The following ZSCAN18 variants were observed in gnomAD, a reference collection of about 807,000 sequenced individuals.
ZSCAN18 encodes zinc finger and SCAN domain containing 18.
In ZSCAN18, 16 loss-of-function variants were observed where a neutral mutation model predicts 31.1. The observed-to-expected ratio is 0.51, with a 90% confidence interval of 0.35 to 0.78. ZSCAN18 has a LOEUF of 0.78. Among genes scored for constraint, ZSCAN18 ranks in the 30% least tolerant of loss-of-function variants. ZSCAN18 has a pLI of 0.01. For missense variants in ZSCAN18, 731 were observed against 697.4 expected, an observed-to-expected ratio of 1.05 and a Z score of -0.54; for synonymous variants, 375 against 320.7, an observed-to-expected ratio of 1.17 and a Z score of -1.81.
upstream of ZSCAN18, chr19:58,118,424 T>C: frequency 6.8e-7 from 1 of 1,469,452 alleles, no homozygotes; most frequent in Non-Finnish European, 9.1e-7. Context: ...GGATGCGATA[T>C]TCCGGTGACA....
At chr19:58,112,182 A>G (rs913996519) in intron 1 of ZSCAN18, among the ~76,000 whole-genome samples, 7 of 152,132 alleles carry the variant, frequency 4.6e-5, no homozygotes, top group Non-Finnish European at 1.0e-4. Flanking sequence ...CTACATGCAC[A>G]AGGCAAGATT....
At chr19:58,117,762 AC>A (rs2074743161) in intron 1 of ZSCAN18, among the ~76,000 whole-genome samples, 1 of 146,534 alleles carries the variant, frequency 6.8e-6, no homozygotes, top group Non-Finnish European at 1.5e-5. Context: ...AGGTTAAGGG[AC>A]AGGCGAAAAA....
At chr19:58,115,199 C>T (rs76728042) in intron 1 of ZSCAN18, among the ~76,000 whole-genome samples, 2,435 of 152,274 alleles carry the variant, frequency 0.016, 66 homozygotes, top group African/African-American at 0.055. Context: ...CAGTGGTTGG[C>T]AGCTGATCCA....
At chr19:58,117,266 G>C (rs1255389941) in intron 1 of ZSCAN18, among the ~76,000 whole-genome samples, 1 of 152,162 alleles carries the variant, frequency 6.6e-6, no homozygotes, top group Non-Finnish European at 1.5e-5. Context: ...GTTTGGGGGA[G>C]AGTAGATGCT....
intron 6 of ZSCAN18, chr19:58,085,969 C>A (rs898157261): frequency 1.2e-5 from 7 of 570,158 alleles, no homozygotes; most frequent in African/African-American, 1.1e-4. Flanking sequence ...TTTCCACCGA[C>A]CAAGTCTTGG....
Position 58,097,568 on chromosome 19 carries a change from C to G in ZSCAN18, c.-120+606G>C, listed in dbSNP as rs572789395. ...GCAGAGACAATGCCCATTCTAGGCA[C>G]CCCTTTGGTCCCCGCACCCTCCATC... On this transcript the variant is annotated intron_variant, in intron 1 of 6. Coordinates refer to ENST00000601144, the MANE Select transcript of ZSCAN18 (RefSeq NM_001145543.2). Among the ~76,000 whole-genome samples the G allele has an allele frequency of 2.1e-5, 3 of 145,232 alleles. No homozygotes were observed. In the South Asian group the frequency reaches 6.4e-4, roughly 31 times the overall value.
intron 6 of ZSCAN18, chr19:58,085,875 T>G (rs956776930): frequency 2.6e-6 from 1 of 384,658 alleles, no homozygotes; most frequent in Admixed American, 4.1e-5. Flanking sequence ...CTTGTTGGTG[T>G]GCTGGCACAG....
rs183623803 is a variant in ZSCAN18 at position 58,094,253 on chromosome 19, T to A, written c.-119-3867A>T. Reference sequence around the variant, plus strand: ...TCTACTAAAAATACAAAAAAAAAAATAATAATAATTAGCCAGGCATGGTGG... The same window carrying A: ...TCTACTAAAAATACAAAAAAAAAAAAAATAATAATTAGCCAGGCATGGTGG... On this transcript the variant is annotated intron_variant, in intron 1 of 6. Coordinates refer to ENST00000601144, the MANE Select transcript of ZSCAN18 (RefSeq NM_001145543.2). Among the ~76,000 whole-genome samples the A allele has an allele frequency of 5.4e-3, 702 of 130,394 alleles. 6 individuals are homozygous for A. Among genetic ancestry groups the A allele is most frequent in the African/African-American group, 0.018 (592 of 33,188 alleles). The allele number at this position is 130,394 out of a possible 152,430, so 85.5% of individuals were successfully genotyped here.
upstream of ZSCAN18, among the ~76,000 whole-genome samples, chr19:58,103,166 C>A (rs2146019488): frequency 6.7e-6 from 1 of 148,920 alleles, no homozygotes; most frequent in Admixed American, 6.7e-5. Context: ...TAAACCATAT[C>A]ACTGATTAAC....
At chr19:58,106,038 T>G (rs1163932220) in intron 1 of ZSCAN18, among the ~76,000 whole-genome samples, 1 of 152,202 alleles carries the variant, frequency 6.6e-6, no homozygotes, top group Non-Finnish European at 1.5e-5. Flanking sequence ...ATAGTAATGA[T>G]TCCTTGGATG....
intron 1 of ZSCAN18, among the ~76,000 whole-genome samples, chr19:58,115,887 A>G (rs924420178): frequency 1.3e-5 from 2 of 152,100 alleles, no homozygotes; most frequent in African/African-American, 4.8e-5. Flanking sequence ...AAACCCTTAC[A>G]AGGATACACA....
intron 1 of ZSCAN18, among the ~76,000 whole-genome samples, chr19:58,093,561 T>G (rs1461897730): frequency 6.6e-6 from 1 of 152,156 alleles, no homozygotes; most frequent in Non-Finnish European, 1.5e-5. Context: ...GCTCTGTGAC[T>G]GAGCGCTTTC....
At position 58,089,095 on chromosome 19, in the gene ZSCAN18, A is replaced by G. The variant is rs112476161; in HGVS notation, c.404-258T>C. On this transcript the variant is annotated intron_variant, in intron 2 of 6. Transcript: ENST00000601144. ...GAGGCGGGCGGATCACGAGGTCAGG[A>G]GATCGAGGCCATCCCGGCTAAAACG... is the stretch of plus-strand genomic sequence containing the variant. 8.0e-3 allele frequency among the ~76,000 whole-genome samples: 1,216 copies of G among 151,442 alleles called. 17 individuals are homozygous for G. The highest frequency in any genetic ancestry group is 0.026 in the African/African-American group (1,078 of 41,230).
rs1471112614 is a variant in ZSCAN18, at chr19:58,088,845, C to T, written c.404-8G>A. The T allele has an allele frequency of 4.4e-6, 7 of 1,608,068 alleles. No individual in the cohort carries two copies. Among genetic ancestry groups the T allele is most frequent in the Non-Finnish European group, 5.9e-6 (7 of 1,176,794 alleles). On this transcript the variant is annotated splice_polypyrimidine_tract_variant and splice_region_variant and intron_variant, in intron 2 of 6. Transcript: ENST00000601144. Reference sequence around the variant, plus strand: ...GGGAGCCCAGCAGCATCCCTGTCAACAGTGGAGGGACCTGTGACCCCAAGA... The same window carrying T: ...GGGAGCCCAGCAGCATCCCTGTCAATAGTGGAGGGACCTGTGACCCCAAGA...
intron 1 of ZSCAN18, among the ~76,000 whole-genome samples, chr19:58,114,796 G>C (rs574665601): frequency 1.3e-5 from 2 of 152,284 alleles, no homozygotes; most frequent in East Asian, 1.9e-4. Context: ...TTTTCTGTTA[G>C]AGTATTTCAG....
At chr19:58,118,194 T>C in intron 1 of ZSCAN18, 1 of 707,950 alleles carries the variant, frequency 1.4e-6, no homozygotes, top group South Asian at 2.5e-5. Context: ...GGCTGCCGCG[T>C]ACCCTCACAG....
intron 2 of ZSCAN18, 22 bp downstream of exon 2, chr19:58,089,843 C>A: frequency 6.3e-7 from 1 of 1,591,188 alleles, no homozygotes; most frequent in South Asian, 1.1e-5. Flanking sequence ...CTGAGCCATG[C>A]TTCTCCTCTG....
intron 3 of ZSCAN18, 158 bp from the exon 4 acceptor site, chr19:58,087,562 C>G: frequency 1.5e-6 from 1 of 645,560 alleles, no homozygotes; most frequent in South Asian, 2.0e-5. Context: ...CCCTGATTTA[C>G]AAAGCAGCGC....
At chr19:58,108,109 T>A (rs1158816024) in intron 1 of ZSCAN18, 1 of 989,260 alleles carries the variant, frequency 1.0e-6, no homozygotes. Flanking sequence ...CTTTCCAGAA[T>A]GATTTTTTTG....
Sources: gnomAD v4.1 joint callset for allele counts (sites outside exome capture counted in the v4.1 genomes callset) on GRCh38, gnomAD v4.1.1 for gene constraint, MANE v1.5 for transcripts, NCBI Gene and HGNC (gene_info 2026-07-23, HGNC 2026-07-21) for gene names.